The following SKA3 variants were observed in gnomAD, a reference collection of about 807,000 sequenced individuals.
The protein encoded by SKA3 is spindle and kinetochore associated complex subunit 3.
SKA3 carries 39 observed loss-of-function variants against 44.2 expected under a neutral mutation model. That is an observed-to-expected ratio of 0.88 (90% CI 0.68 to 1.15). The LOEUF (loss-of-function observed/expected upper bound fraction) is 1.15, where lower values mean the gene tolerates loss of function less well. SKA3 is among the 50% of genes most tolerant of loss of function. SKA3 has a pLI of 0.00. For missense variants in SKA3, 511 were observed against 485.8 expected (o/e 1.05, Z -0.49); for synonymous variants, 192 against 172.0 (o/e 1.12, Z -0.91).
chr13:21,161,081 G>C (rs1870412568), intron 5 of SKA3, among the ~76,000 whole-genome samples: 1 of 152,084 alleles, frequency 6.6e-6, no homozygotes, highest in African/African-American at 2.4e-5. Flanking sequence ...GTCTACAGTT[G>C]TGACCAGCCT....
intron 6 of SKA3, 37 bp downstream of exon 6, chr13:21,159,865 G>T: frequency 8.8e-7 from 1 of 1,136,546 alleles, no homozygotes; most frequent in Non-Finnish European, 1.2e-6. Flanking sequence ...GAGTCTTTAG[G>T]AGAAAGACTG....
chr13:21,173,293 G>A (rs1871181602), intron 1 of SKA3, among the ~76,000 whole-genome samples: 1 of 152,120 alleles, frequency 6.6e-6, no homozygotes, highest in Non-Finnish European at 1.5e-5. Flanking sequence ...TTTCGCTCTT[G>A]TTGCCCAGGC....
rs1224960607 is a variant in SKA3, at chr13:21,176,549, G to A, written c.-72C>T. 1.6e-6 allele frequency: 2 copies of A among 1,236,298 alleles called. No homozygotes were observed. The highest frequency in any genetic ancestry group is 5.6e-5 in the East Asian group (2 of 35,400). The allele number at this position is 1,236,298 out of a possible 1,614,324, so 76.6% of individuals were successfully genotyped here. Reference sequence around the variant, plus strand: ...CTCAGCTCACAGCCTCCCGCCACTAGTTTGAATCTCGGCGCCGGACGCGTC... The same window carrying A: ...CTCAGCTCACAGCCTCCCGCCACTAATTTGAATCTCGGCGCCGGACGCGTC... On this transcript the variant is annotated 5_prime_UTR_variant, in exon 1 of 9. Transcript: ENST00000314759.
chr13:21,167,504 C>T (rs974689663), intron 4 of SKA3, among the ~76,000 whole-genome samples: 2 of 152,054 alleles, frequency 1.3e-5, no homozygotes, highest in African/African-American at 2.4e-5. Flanking sequence ...CGGTGGCTCA[C>T]GCCTGTAATC....
chr13:21,172,625 G>A lies in SKA3; in HGVS notation c.160C>T (p.Leu54=). The A allele has an allele frequency of 6.3e-7, 1 of 1,583,342 alleles. No homozygotes were observed. The highest frequency in any genetic ancestry group is 8.6e-7 in the Non-Finnish European group (1 of 1,162,822). The change falls in exon 2 of 9, where the codon CTA becomes TTA. Residue 54 remains leucine, a synonymous_variant. Transcript: ENST00000314759. ...CAATATTGTAGGAGTGATACCTTTA[G>A]AGTCTGAACTTCTGAATGAAGGTCA... is the stretch of plus-strand genomic sequence containing the variant. The part of the protein sequence containing the change: ...LYDLHSEVQT[L]KDDVNILLDK...
At chr13:21,172,807 G>A in intron 1 of SKA3, 126 bp from the exon 2 acceptor site, 1 of 571,648 alleles carries the variant, frequency 1.7e-6, no homozygotes, top group Non-Finnish European at 3.1e-6. Flanking sequence ...TATGACAGTG[G>A]TACCATAAGA....
chr13:21,173,189 G>A (rs1595307299), intron 1 of SKA3, among the ~76,000 whole-genome samples: 1 of 151,916 alleles, frequency 6.6e-6, no homozygotes, highest in East Asian at 1.9e-4. Context: ...GAGAAACAGA[G>A]CCTTAGTAGA....
In SKA3 at chr13:21,176,513, A is replaced by C. The variant is rs1808223445; in HGVS notation, c.-36T>G. 7.1e-7 allele frequency: 1 copy of C among 1,408,868 alleles called. No homozygotes were observed. Among genetic ancestry groups the C allele is most frequent in the Admixed American group, 2.7e-5 (1 of 36,376 alleles). The allele number at this position is 1,408,868 out of a possible 1,614,324, so 87.3% of individuals were successfully genotyped here. A position where few individuals can be genotyped will look rare whatever the true frequency, so the allele number is the denominator to read the frequency against. ...GCGGGGAAGGACTCCAGGCGTACGCAGACCCCACCGCTCAGCTCACAGCCT... is the reference window on the plus strand; with the variant it reads ...GCGGGGAAGGACTCCAGGCGTACGCCGACCCCACCGCTCAGCTCACAGCCT... On this transcript the variant is annotated 5_prime_UTR_variant, in exon 1 of 9. Coordinates refer to ENST00000314759, the MANE Select transcript of SKA3 (RefSeq NM_145061.6).
chr13:21,156,337 T>C (rs1859061714), intron 7 of SKA3, among the ~76,000 whole-genome samples: 1 of 151,900 alleles, frequency 6.6e-6, no homozygotes, highest in African/African-American at 2.4e-5. Context: ...TGAGAGGAAA[T>C]TAAGCCTTAA....
At chr13:21,171,496 G>A (rs1403221299) in intron 3 of SKA3, among the ~76,000 whole-genome samples, 1 of 151,544 alleles carries the variant, frequency 6.6e-6, no homozygotes, top group Non-Finnish European at 1.5e-5. Flanking sequence ...AGAATGGCTT[G>A]AACCCGGGAG....
In SKA3 at chr13:21,158,951, T is replaced by C. The variant is rs1870285582; in HGVS notation, c.916-826A>G. Among the ~76,000 whole-genome samples the C allele has an allele frequency of 2.0e-5, 3 of 152,134 alleles. No homozygotes were observed. In the South Asian group the frequency reaches 6.2e-4, roughly 32 times the overall value. ...GTGAACATAAGGAGTAGATGAATTG[T>C]AAATGGCAGGTACTAACAGGCAGAT... On this transcript the variant is annotated intron_variant, in intron 6 of 8. Transcript: ENST00000314759.
At chr13:21,163,400 G>C (rs1316261708) in intron 4 of SKA3, among the ~76,000 whole-genome samples, 1 of 151,986 alleles carries the variant, frequency 6.6e-6, no homozygotes, top group Non-Finnish European at 1.5e-5. Flanking sequence ...AAATAATAGT[G>C]TTATATATAT....
At chr13:21,175,056 A>T (rs1407512513) in intron 1 of SKA3, among the ~76,000 whole-genome samples, 1 of 152,120 alleles carries the variant, frequency 6.6e-6, no homozygotes, top group Non-Finnish European at 1.5e-5. Context: ...GGGTCACTGC[A>T]ACCTCCGCTT....
At chr13:21,172,755 A>G in intron 1 of SKA3, 74 bp from the exon 2 acceptor site, 1 of 831,074 alleles carries the variant, frequency 1.2e-6, no homozygotes, top group Non-Finnish European at 1.9e-6. Flanking sequence ...AATAGTATAC[A>G]ATCATATACC....
At chr13:21,173,423 G>A (rs1258148184) in intron 1 of SKA3, among the ~76,000 whole-genome samples, 1 of 152,064 alleles carries the variant, frequency 6.6e-6, no homozygotes, top group Non-Finnish European at 1.5e-5. Context: ...CATCTGGCTA[G>A]TTTTATATTT....
chr13:21,171,303 G>A (rs1174263041), intron 3 of SKA3, among the ~76,000 whole-genome samples: 1 of 152,124 alleles, frequency 6.6e-6, no homozygotes, highest in African/African-American at 2.4e-5. Context: ...TGGGCCAGGC[G>A]CTGTGGCTCA....
In SKA3 at chr13:21,154,944, CTGGGCTA is replaced by C. The variant is rs2137351803; in HGVS notation, c.*199_*205del. 2.6e-6 allele frequency: 2 copies of C among 776,328 alleles called. No homozygotes were observed. The highest frequency in any genetic ancestry group is 3.6e-5 in the South Asian group (2 of 54,930). 48.1% of individuals were successfully genotyped at this position (776,328 alleles called of 1,614,324 possible). A position where few individuals can be genotyped will look rare whatever the true frequency, so the allele number is the denominator to read the frequency against. Reference sequence around the variant, plus strand: ...CTAATAATCCTTAAAGAGTGAATGACTGGGCTACATGTCAACAAGACTAAGGTTAAAC... The same window carrying C: ...CTAATAATCCTTAAAGAGTGAATGACCATGTCAACAAGACTAAGGTTAAAC... On this transcript the variant is annotated 3_prime_UTR_variant, in exon 9 of 9. Coordinates refer to ENST00000314759, the MANE Select transcript of SKA3 (RefSeq NM_145061.6).
In SKA3 at chr13:21,168,101, CA is replaced by C; in HGVS notation, c.629del (p.Met210ArgfsTer7). ...VLKTPKCALK[M>X]DDFECVTPKL... ...TAGGAGTTACACACTCAAAATCATC[CA>C]TTTTTAGTGCACATTTTGGAGTTTT... On this transcript the variant is annotated frameshift_variant, in exon 4 of 9. Coordinates refer to ENST00000314759, the MANE Select transcript of SKA3 (RefSeq NM_145061.6). LOFTEE classifies it high-confidence loss of function. The C allele has an allele frequency of 6.2e-7, 1 of 1,614,140 alleles. No individual in the cohort carries two copies. Among genetic ancestry groups the C allele is most frequent in the Non-Finnish European group, 8.5e-7 (1 of 1,179,996 alleles).
intron 4 of SKA3, 57 bp from the exon 5 acceptor site, chr13:21,161,932 GA>G (rs1171222300): frequency 3.5e-6 from 4 of 1,157,132 alleles, no homozygotes; most frequent in Non-Finnish European, 3.5e-6. Flanking sequence ...CAATCTCTGG[GA>G]AAAAAATTTA....
Sources: allele counts gnomAD v4.1 joint callset (sites outside exome capture counted in the v4.1 genomes callset), GRCh38; gene constraint gnomAD v4.1.1; transcripts MANE v1.5; gene names NCBI Gene and HGNC (gene_info 2026-07-23, HGNC 2026-07-21).